NDUFAF6: variants seen among roughly 807,000 people sequenced by gnomAD.
NDUFAF6 encodes the protein NADH:ubiquinone oxidoreductase complex assembly factor 6.
A neutral mutation model predicts 40.8 loss-of-function variants in NDUFAF6; 45 were observed. The ratio of observed to expected loss-of-function variants is 1.10; its 90% CI spans 0.87 to 1.42. NDUFAF6 has a LOEUF of 1.42. NDUFAF6 is among the 40% of genes most tolerant of loss of function. The pLI is 0.00. For missense variants in NDUFAF6, 435 were observed against 418.5 expected (o/e 1.04, Z -0.34); for synonymous variants, 185 against 155.9 (o/e 1.19, Z -1.39).
At chr8:95,078,909 T>C (rs984279512), downstream of NDUFAF6, among the ~76,000 whole-genome samples, 4 of 152,124 alleles carry the variant, frequency 2.6e-5, no homozygotes, top group Admixed American at 6.6e-5. Context: ...TGATGAATAA[T>C]GCACGCAGGC....
intron 3 of NDUFAF6, among the ~76,000 whole-genome samples, chr8:95,039,237 GA>G (rs1829874135): frequency 6.6e-6 from 1 of 151,458 alleles, no homozygotes; most frequent in African/African-American, 2.4e-5. Flanking sequence ...GGTGGATCAC[GA>G]GGTCAAGAGA....
intron 1 of NDUFAF6, among the ~76,000 whole-genome samples, chr8:94,914,066 A>T (rs1818959780): frequency 6.8e-6 from 1 of 148,070 alleles, no homozygotes; most frequent in South Asian, 2.1e-4. Context: ...TTGGGATTAC[A>T]GGCGTGAGCC....
intron 2 of NDUFAF6, among the ~76,000 whole-genome samples, chr8:94,999,943 G>C (rs1586938131): frequency 6.6e-6 from 1 of 152,122 alleles, no homozygotes; most frequent in East Asian, 1.9e-4. Context: ...CAGATGTGGT[G>C]GCTCATACCT....
downstream of NDUFAF6, among the ~76,000 whole-genome samples, chr8:95,105,087 A>G (rs1809791937): frequency 6.7e-6 from 1 of 148,280 alleles, no homozygotes; most frequent in Non-Finnish European, 1.5e-5. Context: ...AGAGAGAGAG[A>G]GAGAGAGAGA....
At chr8:95,055,347 C>G (rs1284080600) in intron 8 of NDUFAF6, 19 of 151,908 alleles carry the variant, frequency 1.3e-4, no homozygotes, top group Non-Finnish European at 2.9e-5. Flanking sequence ...ATTCTAACAC[C>G]AAAAGATAAC....
upstream of NDUFAF6, among the ~76,000 whole-genome samples, chr8:95,100,209 G>A (rs554085199): frequency 1.3e-4 from 19 of 151,262 alleles, no homozygotes; most frequent in South Asian, 4.2e-4. Context: ...GAGGATACCC[G>A]TAAGAATTAG....
chr8:95,053,764 T>G (rs186114626), intron 8 of NDUFAF6, among the ~76,000 whole-genome samples: 2 of 151,750 alleles, frequency 1.3e-5, no homozygotes, highest in East Asian at 3.9e-4. Context: ...TAGCTGGGAT[T>G]ACAGACATGC....
At chr8:94,995,841 G>A (rs1240793531) in intron 2 of NDUFAF6, among the ~76,000 whole-genome samples, 3 of 152,208 alleles carry the variant, frequency 2.0e-5, no homozygotes, top group South Asian at 4.1e-4. Flanking sequence ...GCAGTGGTGC[G>A]ATCTCAGCTT....
At chr8:94,935,428 A>G (rs1383637410) in intron 1 of NDUFAF6, among the ~76,000 whole-genome samples, 1 of 152,222 alleles carries the variant, frequency 6.6e-6, no homozygotes. Flanking sequence ...TCCTAGCTAT[A>G]TTCTCTGGAC....
At position 95,005,736 on chromosome 8, in the gene NDUFAF6, T is replaced by C. The variant is rs1826948753; in HGVS notation, c.-84+24763T>C. On this transcript the variant is annotated intron_variant, in intron 2 of 9. Coordinates refer to the NDUFAF6 transcript ENST00000396111. ...CCACCTTTTCTGCCCTTTGTGTCTT[T>C]TCTCTTCTATCCTTCTCTAAATGCC... Among the ~76,000 whole-genome samples, 3 of 151,782 alleles carry C rather than the reference T, an allele frequency of 2.0e-5. No homozygotes were observed. The South Asian group carries it at 6.2e-4, about 32-fold the overall frequency.
intron 1 of NDUFAF6, among the ~76,000 whole-genome samples, chr8:94,897,671 T>A (rs1025381808): frequency 4.6e-5 from 7 of 150,678 alleles, no homozygotes; most frequent in Middle Eastern, 3.5e-3. Flanking sequence ...AAAAAAAAAA[T>A]TCAGGCTTAG....
intron 2 of NDUFAF6, among the ~76,000 whole-genome samples, chr8:94,981,573 C>G (rs1825444460): frequency 6.6e-6 from 1 of 152,126 alleles, no homozygotes; most frequent in African/African-American, 2.4e-5. Context: ...CCCAATTTGG[C>G]CATGAGTTGC....
intron 1 of NDUFAF6, among the ~76,000 whole-genome samples, chr8:94,963,407 C>G (rs962762074): frequency 6.6e-6 from 1 of 152,072 alleles, no homozygotes; most frequent in African/African-American, 2.4e-5. Context: ...GATGTATAAA[C>G]AAAATGCTAT....
At chr8:95,060,769 C>G (rs555763528), downstream of NDUFAF6, among the ~76,000 whole-genome samples, 1 of 152,168 alleles carries the variant, frequency 6.6e-6, no homozygotes, top group South Asian at 2.1e-4. Context: ...AGTAAACTGC[C>G]AAGTTTAAAA....
intron 2 of NDUFAF6, among the ~76,000 whole-genome samples, chr8:94,983,697 C>T (rs1825626896): frequency 6.6e-6 from 1 of 152,134 alleles, no homozygotes; most frequent in Non-Finnish European, 1.5e-5. Context: ...AAAACTGAGG[C>T]TTATGGATAT....
intron 1 of NDUFAF6, among the ~76,000 whole-genome samples, chr8:94,971,372 A>G (rs907223764): frequency 4.6e-5 from 7 of 152,204 alleles, no homozygotes; most frequent in African/African-American, 1.7e-4. Flanking sequence ...ATTGTTGCCT[A>G]ACTTCCTGCT....
chr8:95,084,600 C>T (rs1377339978), intron 2 of NDUFAF6, among the ~76,000 whole-genome samples: 1 of 152,200 alleles, frequency 6.6e-6, no homozygotes, highest in Admixed American at 6.5e-5. Flanking sequence ...CTTTCCAATA[C>T]GTGCTATTCA....
At chr8:95,027,102 C>T (rs2131731017) in intron 1 of NDUFAF6, among the ~76,000 whole-genome samples, 1 of 152,238 alleles carries the variant, frequency 6.6e-6, no homozygotes, top group South Asian at 2.1e-4. Flanking sequence ...ACTTCAGTCA[C>T]ATGCTAGTTT....
At chr8:95,049,335 C>T (rs73697060) in intron 7 of NDUFAF6, among the ~76,000 whole-genome samples, 3,614 of 152,214 alleles carry the variant, frequency 0.024, 120 homozygotes, top group African/African-American at 0.076. Flanking sequence ...TTTAGTTGTT[C>T]CCTAAGAGTT....
Sources: gnomAD v4.1 joint callset for allele counts (sites outside exome capture counted in the v4.1 genomes callset) on GRCh38, gnomAD v4.1.1 for gene constraint, MANE v1.5 for transcripts, NCBI Gene and HGNC (gene_info 2026-07-23, HGNC 2026-07-21) for gene names.